CDH22: variants seen among roughly 807,000 people sequenced by gnomAD.
CDH22 encodes the protein cadherin 22.
CDH22 carries 30 observed loss-of-function variants against 58.4 expected under a neutral mutation model. The ratio of observed to expected loss-of-function variants is 0.51; its 90% CI spans 0.38 to 0.70. CDH22 has a LOEUF of 0.70. Among genes scored for constraint, CDH22 ranks in the 30% least tolerant of loss-of-function variants. The pLI is 0.00. For synonymous variants in CDH22, 513 were observed against 558.2 expected (o/e 0.92, Z 1.14); for missense variants, 1,014 against 1,233.9 (o/e 0.82, Z 2.67).
intron 4 of CDH22, among the ~76,000 whole-genome samples, chr20:46,226,931 G>A (rs189377019): frequency 6.6e-6 from 1 of 152,334 alleles, no homozygotes; most frequent in African/African-American, 2.4e-5. Flanking sequence ...CGTGAGTGAA[G>A]TGGGGACAGC....
chr20:46,184,808 C>G (rs2085812747), intron 10 of CDH22, among the ~76,000 whole-genome samples: 1 of 152,146 alleles, frequency 6.6e-6, no homozygotes. Context: ...GATGATGAAA[C>G]TGAGGCTTAG....
Position 46,186,834 on chromosome 20 carries a change from G to T in CDH22, c.1537C>A (p.Pro513Thr). Residue 513 changes from proline (P) to threonine (T), a missense_variant, in exon 9 of 12, where the codon CCA (proline) becomes ACA (threonine). Pro to Thr is a conservative substitution (Grantham distance 38, BLOSUM62 -1). Around this residue, in one of 2 missense-constraint regions of CDH22, gnomAD observed 806 missense variants for 1,038.7 expected, o/e 0.78. Coordinates refer to ENST00000537909, the MANE Select transcript of CDH22 (RefSeq NM_021248.3). ...YEAAVCEDAK[P>T]GQLIQTISVV... is the part of the protein sequence containing the mutation. ...CACCCCCTCAGGGGTACCTGGCCTG[G>T]CTTGGCATCCTCGCATACAGCTGCC... The T allele has an allele frequency of 6.2e-7, 1 of 1,604,440 alleles. No individual in the cohort carries two copies. Among genetic ancestry groups the T allele is most frequent in the Non-Finnish European group, 8.5e-7 (1 of 1,174,754 alleles).
intron 11 of CDH22, among the ~76,000 whole-genome samples, chr20:46,175,869 T>G (rs911859184): frequency 6.6e-6 from 1 of 152,212 alleles, no homozygotes; most frequent in Admixed American, 6.5e-5. Context: ...TTACCAGGTC[T>G]GTCTCCACCC....
intron 1 of CDH22, among the ~76,000 whole-genome samples, chr20:46,271,690 A>G (rs1033617544): frequency 7.2e-5 from 11 of 152,120 alleles, no homozygotes; most frequent in African/African-American, 2.7e-4. Flanking sequence ...AGCAGCATTT[A>G]GAATATAAAA....
intron 8 of CDH22, among the ~76,000 whole-genome samples, chr20:46,189,531 T>C (rs1174185892): frequency 6.6e-6 from 1 of 152,098 alleles, no homozygotes; most frequent in Non-Finnish European, 1.5e-5. Context: ...CTATGGGCCA[T>C]GTCGAAGGTA....
chr20:46,235,093 A>G (rs534912981), intron 3 of CDH22, among the ~76,000 whole-genome samples: 15 of 152,384 alleles, frequency 9.8e-5, no homozygotes, highest in African/African-American at 3.4e-4. Context: ...ATTTAATTCA[A>G]TTACTTATCT....
intron 1 of CDH22, among the ~76,000 whole-genome samples, chr20:46,282,096 T>C (rs1481818127): frequency 6.6e-6 from 1 of 152,244 alleles, no homozygotes; most frequent in Non-Finnish European, 1.5e-5. Flanking sequence ...TCCCCAAAGA[T>C]ACCGATACTG....
intron 4 of CDH22, among the ~76,000 whole-genome samples, chr20:46,223,447 C>T (rs1568663952): frequency 6.6e-6 from 1 of 152,192 alleles, no homozygotes. Context: ...TTCCTCATCA[C>T]CATCACTATC....
intron 1 of CDH22, among the ~76,000 whole-genome samples, chr20:46,280,594 G>C (rs1355322069): frequency 6.6e-6 from 1 of 152,172 alleles, no homozygotes; most frequent in Non-Finnish European, 1.5e-5. Flanking sequence ...TATGGTCTGG[G>C]GGCTGCCTTC....
intron 1 of CDH22, among the ~76,000 whole-genome samples, chr20:46,284,959 A>T (rs1035107828): frequency 3.3e-5 from 5 of 152,070 alleles, no homozygotes; most frequent in Non-Finnish European, 5.9e-5. Context: ...ATCAGCACTC[A>T]TTCCTGCCTC....
chr20:46,305,962 G>A lies in CDH22; in HGVS notation c.-400+2293C>T, dbSNP rs112022160. Among the ~76,000 whole-genome samples, 988 of 152,300 alleles carry A rather than the reference G, an allele frequency of 6.5e-3. 14 individuals carry two copies. Among genetic ancestry groups the A allele is most frequent in the African/African-American group, 0.023 (948 of 41,554 alleles). On this transcript the variant is annotated intron_variant, in intron 1 of 11. Transcript: ENST00000537909. ...TCTAGGTATGATTATTCCAGAGCAC[G>A]ACCAGAAACATCCAGAGATCACAGC...
intron 1 of CDH22, among the ~76,000 whole-genome samples, chr20:46,290,010 G>T (rs1292404346): frequency 6.6e-6 from 1 of 152,224 alleles, no homozygotes; most frequent in East Asian, 1.9e-4. Flanking sequence ...TTGGAAAACA[G>T]GTTGAAGCTT....
chr20:46,294,775 A>T (rs1600729522), intron 1 of CDH22, among the ~76,000 whole-genome samples: 1 of 152,216 alleles, frequency 6.6e-6, no homozygotes, highest in African/African-American at 2.4e-5. Context: ...AGAAGGGAAG[A>T]GGACAACTGA....
In CDH22 at chr20:46,251,046, C is replaced by T. The variant is rs2086368215; in HGVS notation, c.249G>A (p.Val83=). The T allele has an allele frequency of 1.2e-6, 2 of 1,608,114 alleles. No individual in the cohort carries two copies. The highest frequency in any genetic ancestry group is 2.7e-5 in the African/African-American group (2 of 74,562). Residue 83 remains valine (V), a synonymous_variant, in exon 2 of 12, where the codon GTG becomes GTA. Coordinates refer to ENST00000537909, the MANE Select transcript of CDH22 (RefSeq NM_021248.3). The surrounding 1 kb of genome is among the most constrained non-coding windows in gnomAD (Gnocchi z 6.7). Reference sequence around the variant, plus strand: ...GAGTGGGGCCCCACTTTACCTTGCCCACATACAGGGGCTCCGTGCCCGTGT... The same window carrying T: ...GAGTGGGGCCCCACTTTACCTTGCCTACATACAGGGGCTCCGTGCCCGTGT... The part of the protein sequence containing the change: ...EEYTGTEPLY[V]GKIHSDSDEG...
In CDH22 at chr20:46,216,078, A is replaced by G. The variant is rs1412574181; in HGVS notation, c.838+748T>C. Among the ~76,000 whole-genome samples, 1 of 152,088 alleles carries G rather than the reference A, an allele frequency of 6.6e-6. No homozygotes were observed. Among genetic ancestry groups the G allele is most frequent in the East Asian group, 1.9e-4 (1 of 5,188 alleles). ...GCCTAATGTGAGAGCAGCAGACCTC[A>G]AGTAATGACTCACCCGATAGGAATC... On this transcript the variant is annotated intron_variant, in intron 5 of 11. Coordinates refer to ENST00000537909, the MANE Select transcript of CDH22 (RefSeq NM_021248.3). The surrounding 1 kb of genome is among the most constrained non-coding windows in gnomAD (Gnocchi z 5.3).
At chr20:46,296,816 T>G (rs1397216644) in intron 1 of CDH22, among the ~76,000 whole-genome samples, 41 of 152,086 alleles carry the variant, frequency 2.7e-4, no homozygotes. Context: ...TCCCAAAGCA[T>G]TTTCTCTAAT....
Position 46,240,956 on chromosome 20 carries a change from A to G in CDH22, c.550+7T>C. 1 of 1,606,916 alleles carries G rather than the reference A, an allele frequency of 6.2e-7. No homozygotes were observed. The highest frequency in any genetic ancestry group is 8.5e-7 in the Non-Finnish European group (1 of 1,174,790). ...CCCATCCCCCACCCCCAGGGCCCAC[A>G]GCCCACCTGTAGGTGAGAGCTCGGC... On this transcript the variant is annotated splice_region_variant and intron_variant, in intron 3 of 11. Transcript: ENST00000537909.
At chr20:46,203,601 T>G (rs145147294) in intron 7 of CDH22, among the ~76,000 whole-genome samples, 138 of 152,322 alleles carry the variant, frequency 9.1e-4, no homozygotes, top group Middle Eastern at 6.8e-3. Flanking sequence ...TCCTACTTTG[T>G]AAGTTGTCGG....
At chr20:46,301,304 C>T (rs929638064) in intron 1 of CDH22, among the ~76,000 whole-genome samples, 1 of 151,946 alleles carries the variant, frequency 6.6e-6, no homozygotes, top group Non-Finnish European at 1.5e-5. Context: ...GTCTGTATTA[C>T]TTCATTTCTC....
Sources: gnomAD v4.1 joint callset for allele counts (sites outside exome capture counted in the v4.1 genomes callset) on GRCh38, gnomAD v4.1.1 for gene constraint, gnomAD v4.1.1 regional missense constraint, Gnocchi (gnomAD v3.1) non-coding constraint, MANE v1.5 for transcripts, NCBI Gene and HGNC (gene_info 2026-07-23, HGNC 2026-07-21) for gene names.